SLC35F3: variants seen among roughly 807,000 people sequenced by gnomAD.
SLC35F3 encodes solute carrier family 35 member F3.
A neutral mutation model predicts 49.9 loss-of-function variants in SLC35F3; 25 were observed. That is an observed-to-expected ratio of 0.50 (90% CI 0.37 to 0.70). The LOEUF is 0.70. Ranked by LOEUF, SLC35F3 falls within the 30% of genes least tolerant of loss-of-function variation. The pLI, the probability that SLC35F3 is intolerant of heterozygous loss-of-function variation, is 0.00. For missense variants in SLC35F3, 525 were observed against 639.8 expected (o/e 0.82, Z 1.94); for synonymous variants, 275 against 265.4 (o/e 1.04, Z -0.35).
chr1:234,070,105 C>G (rs1168103240), intron 2 of SLC35F3, among the ~76,000 whole-genome samples: 1 of 152,208 alleles, frequency 6.6e-6, no homozygotes, highest in African/African-American at 2.4e-5. Context: ...GCAGCACATA[C>G]TCTGCGGGAT....
chr1:234,249,794 A>G (rs1013354819), intron 3 of SLC35F3, among the ~76,000 whole-genome samples: 1 of 152,244 alleles, frequency 6.6e-6, no homozygotes, highest in African/African-American at 2.4e-5. Context: ...CTGGGGCATA[A>G]TAACTCAGAC....
intron 2 of SLC35F3, among the ~76,000 whole-genome samples, chr1:234,203,375 C>T (rs1276239346): frequency 6.6e-6 from 1 of 152,176 alleles, no homozygotes; most frequent in Non-Finnish European, 1.5e-5. Context: ...TACCTGTTTA[C>T]AAGAGACTCA....
At chr1:233,936,520 C>G (rs1381770278) in intron 2 of SLC35F3, among the ~76,000 whole-genome samples, 1 of 54,912 alleles carries the variant, frequency 1.8e-5, no homozygotes, top group Non-Finnish European at 5.8e-5. Context: ...TCTTGTTCTC[C>G]TCCTCCTCCT....
chr1:233,932,369 T>C (rs1445190947), intron 2 of SLC35F3, among the ~76,000 whole-genome samples: 4 of 152,128 alleles, frequency 2.6e-5, no homozygotes, highest in African/African-American at 9.7e-5. Context: ...AAGTGGACCC[T>C]TGCAGTTCAA....
intron 2 of SLC35F3, among the ~76,000 whole-genome samples, chr1:234,127,855 A>T (rs1209645313): frequency 6.6e-6 from 1 of 152,222 alleles, no homozygotes; most frequent in Non-Finnish European, 1.5e-5. Flanking sequence ...GAAGAGTCAA[A>T]GTAGTATTGT....
intron 2 of SLC35F3, among the ~76,000 whole-genome samples, chr1:234,060,824 T>C (rs779231777): frequency 7.2e-5 from 11 of 152,190 alleles, no homozygotes; most frequent in African/African-American, 2.7e-4. Flanking sequence ...TCCTGTGTAT[T>C]TGAGTTACAA....
At position 233,980,437 on chromosome 1, in the gene SLC35F3, C is replaced by T. The variant is rs192654219; in HGVS notation, c.283+74679C>T. ...GGTCTCTTCTCCGCATCATGCTACTCCCACTGCAAGGCCTGTGTCTCCCCA... is the reference window on the plus strand; with the variant it reads ...GGTCTCTTCTCCGCATCATGCTACTTCCACTGCAAGGCCTGTGTCTCCCCA... On this transcript the variant is annotated intron_variant, in intron 2 of 7. Coordinates refer to ENST00000366618, the MANE Select transcript of SLC35F3 (RefSeq NM_173508.4). 2.0e-5 allele frequency among the ~76,000 whole-genome samples: 3 copies of T among 152,322 alleles called. No homozygotes were observed. In the East Asian group the frequency reaches 5.8e-4, roughly 29 times the overall value.
At chr1:234,101,981 T>C (rs988846930) in intron 2 of SLC35F3, among the ~76,000 whole-genome samples, 6 of 152,230 alleles carry the variant, frequency 3.9e-5, no homozygotes, top group East Asian at 1.9e-4. Context: ...TTCCGCTCCA[T>C]AGAGAGAACA....
intron 2 of SLC35F3, among the ~76,000 whole-genome samples, chr1:234,165,906 C>T (rs770567937): frequency 6.6e-5 from 10 of 152,250 alleles, no homozygotes; most frequent in African/African-American, 9.6e-5. Context: ...GCTGCCTTTG[C>T]GCACTCATAG....
intron 3 of SLC35F3, among the ~76,000 whole-genome samples, chr1:234,290,960 T>C (rs1388674337): frequency 6.6e-6 from 1 of 152,148 alleles, no homozygotes; most frequent in South Asian, 2.1e-4. Context: ...AAGATTGGAT[T>C]GGGGGTAAGG....
At chr1:234,133,156 T>G (rs1227425051) in intron 2 of SLC35F3, among the ~76,000 whole-genome samples, 1 of 152,202 alleles carries the variant, frequency 6.6e-6, no homozygotes, top group African/African-American at 2.4e-5. Flanking sequence ...GGGGAGTGTC[T>G]TTTCAAAGAA....
At chr1:233,952,277 T>C (rs1172733444) in intron 2 of SLC35F3, among the ~76,000 whole-genome samples, 1 of 152,236 alleles carries the variant, frequency 6.6e-6, no homozygotes, top group Admixed American at 6.5e-5. Flanking sequence ...TTTTCTGTAT[T>C]CTTTATCTGC....
In SLC35F3 at chr1:233,962,505, A is replaced by G. The variant is rs75437400; in HGVS notation, c.283+56747A>G. Reference sequence around the variant, plus strand: ...TTGCCAGGCATGCAAAATTAAGTCCAATGGAATCTTGCTCTTTGTGAGGGG... The same window carrying G: ...TTGCCAGGCATGCAAAATTAAGTCCGATGGAATCTTGCTCTTTGTGAGGGG... On this transcript the variant is annotated intron_variant, in intron 2 of 7. Transcript: ENST00000366618. Among the ~76,000 whole-genome samples the G allele has an allele frequency of 9.7e-3, 1,480 of 152,348 alleles. 10 individuals are homozygous for G. Among genetic ancestry groups the G allele is most frequent in the Middle Eastern group, 0.027 (8 of 294 alleles).
At position 234,316,614 on chromosome 1, in the gene SLC35F3, A is replaced by G. The variant is rs1434622089; in HGVS notation, c.841A>G (p.Ile281Val). Reference protein sequence around the residue: ...RFMGVRIVAAILAIAGIVMMT... With the variant: ...RFMGVRIVAAVLAIAGIVMMT... Reference sequence around the variant, plus strand: ...TCCGTCTGTCCAGATTGTGGCCGCCATCCTCGCCATCGCTGGCATTGTGAT... The same window carrying G: ...TCCGTCTGTCCAGATTGTGGCCGCCGTCCTCGCCATCGCTGGCATTGTGAT... The change falls in exon 5 of 8, where the codon ATC (isoleucine) becomes GTC (valine). Residue 281 changes from isoleucine to valine, a missense_variant. Transcript: ENST00000366618. 1.9e-6 allele frequency: 3 copies of G among 1,609,006 alleles called. No individual in the cohort carries two copies. In the Admixed American group the frequency reaches 5.0e-5, roughly 27 times the overall value.
intron 2 of SLC35F3, among the ~76,000 whole-genome samples, chr1:234,139,299 G>A (rs1386469492): frequency 3.9e-5 from 6 of 152,188 alleles, no homozygotes; most frequent in Non-Finnish European, 8.8e-5. Flanking sequence ...TTTAAGAAAT[G>A]TAGTATGTTA....
intron 2 of SLC35F3, among the ~76,000 whole-genome samples, chr1:234,139,798 A>G (rs1665863833): frequency 6.6e-6 from 1 of 151,418 alleles, no homozygotes; most frequent in African/African-American, 2.4e-5. Context: ...AAATACAAAA[A>G]TTAGCCAGGC....
intron 2 of SLC35F3, among the ~76,000 whole-genome samples, chr1:234,135,824 T>A (rs1665801820): frequency 6.6e-6 from 1 of 152,198 alleles, no homozygotes; most frequent in African/African-American, 2.4e-5. Context: ...TAGGCATAGC[T>A]TGTCAGGGAA....
Position 234,231,500 on chromosome 1 carries a change from C to T in SLC35F3, c.367C>T (p.Arg123Cys), listed in dbSNP as rs374592566. The T allele has an allele frequency of 1.2e-6, 2 of 1,613,204 alleles. No individual in the cohort carries two copies. Among genetic ancestry groups the T allele is most frequent in the African/African-American group, 1.3e-5 (1 of 75,006 alleles). The change falls in exon 3 of 8, where the codon CGC becomes TGC. Residue 123 changes from arginine to cysteine, a missense_variant. This residue lies in a region of SLC35F3 where 228 missense variants were observed against 218.9 expected (regional missense o/e 1.04). Transcript: ENST00000366618. The surrounding 1 kb of genome is among the most constrained non-coding windows in gnomAD (Gnocchi z 5.4). ...GVEAGGRASRRCWTCSRAQLK... is the reference protein window; with the variant it reads ...GVEAGGRASRCCWTCSRAQLK... ...GGAGGCCGGCGGGAGAGCGAGTCGC[C>T]GCTGCTGGACGTGCTCCCGGGCGCA...
intron 2 of SLC35F3, among the ~76,000 whole-genome samples, chr1:233,912,702 G>T (rs892884721): frequency 1.3e-5 from 2 of 152,180 alleles, no homozygotes; most frequent in South Asian, 4.1e-4. Context: ...GCGTGGATAC[G>T]CTGGACAAAG....
Sources: allele counts gnomAD v4.1 joint callset (sites outside exome capture counted in the v4.1 genomes callset), GRCh38; gene constraint gnomAD v4.1.1; regional missense constraint gnomAD v4.1.1; non-coding constraint Gnocchi (gnomAD v3.1); transcripts MANE v1.5; gene names NCBI Gene and HGNC (gene_info 2026-07-23, HGNC 2026-07-21).